The following C21orf91 variants were observed in gnomAD, a reference collection of about 807,000 sequenced individuals.
C21orf91 encodes the protein chromosome 21 open reading frame 91.
Under a neutral mutation model 32.9 loss-of-function variants are expected in C21orf91, and 26 were observed. The observed-to-expected ratio is 0.79, with a 90% CI of 0.58 to 1.10. C21orf91 has a LOEUF of 1.10. Ranked by LOEUF, C21orf91 falls within the 50% of genes least tolerant of loss-of-function variation. The pLI is 0.00. For synonymous variants in C21orf91, 126 were observed against 120.4 expected, an observed-to-expected ratio of 1.05 and a Z score of -0.31; for missense variants, 310 against 341.3, an observed-to-expected ratio of 0.91 and a Z score of 0.72.
intron 2 of C21orf91, among the ~76,000 whole-genome samples, chr21:17,803,124 A>C (rs770275109): frequency 1.8e-4 from 28 of 152,240 alleles, no homozygotes; most frequent in Non-Finnish European, 7.3e-5. Flanking sequence ...ATAAGGCAAA[A>C]AAATTAAGTG....
At chr21:17,803,873 A>G (rs1456588821) in intron 2 of C21orf91, among the ~76,000 whole-genome samples, 1 of 152,234 alleles carries the variant, frequency 6.6e-6, no homozygotes, top group African/African-American at 2.4e-5. Context: ...GATCCACACT[A>G]CAGGTAAGTT....
At chr21:17,810,345 T>C (rs1203908612) in intron 2 of C21orf91, 2 of 152,248 alleles carry the variant, frequency 1.3e-5, no homozygotes, top group Non-Finnish European at 2.9e-5. Context: ...TAAGTTTTAA[T>C]TTTGAACTGT....
intron 4 of C21orf91, among the ~76,000 whole-genome samples, chr21:17,794,124 G>C (rs1455868375): frequency 1.3e-5 from 2 of 152,186 alleles, no homozygotes; most frequent in African/African-American, 4.8e-5. Flanking sequence ...TATTTGTAAA[G>C]TACTCATAAA....
chr21:17,808,254 T>C (rs2062611112), intron 2 of C21orf91, among the ~76,000 whole-genome samples: 1 of 152,152 alleles, frequency 6.6e-6, no homozygotes, highest in South Asian at 2.1e-4. Flanking sequence ...CTCCAGAGAG[T>C]GCAAGCTGTA....
At chr21:17,809,012 C>G (rs942229438) in intron 2 of C21orf91, 4 of 152,490 alleles carry the variant, frequency 2.6e-5, no homozygotes, top group African/African-American at 9.7e-5. Context: ...TCTCTTCCTC[C>G]TTCTTTGGCC....
In C21orf91 at chr21:17,791,636, C is replaced by T. The variant is rs1355217144; in HGVS notation, c.*1779G>A. The stretch of plus-strand genomic sequence containing the variant: ...AAAGTCAAATTTGAAAATGTGGGAA[C>T]AATTAAGCACTAAGATATTAATCAG... On this transcript the variant is annotated 3_prime_UTR_variant, in exon 5 of 5. Transcript: ENST00000284881. 6.6e-6 allele frequency: 1 copy of T among 152,034 alleles called. No homozygotes were observed. The highest frequency in any genetic ancestry group is 1.5e-5 in the Non-Finnish European group (1 of 67,966). 9.4% of individuals were successfully genotyped at this position (152,034 alleles called of 1,614,324 possible).
Position 17,790,903 on chromosome 21 carries a change from A to G in C21orf91, c.*2512T>C, listed in dbSNP as rs150268877. On this transcript the variant is annotated 3_prime_UTR_variant, in exon 5 of 5. Coordinates refer to ENST00000284881, the MANE Select transcript of C21orf91 (RefSeq NM_001100420.2). ...AGATTTGTCTTATCTCACTCCCCTT[A>G]ATCATATAAGCTCTGAAAATTTAGT... 1 of 152,088 alleles carries G rather than the reference A, an allele frequency of 6.6e-6. No homozygotes were observed. The highest frequency in any genetic ancestry group is 1.5e-5 in the Non-Finnish European group (1 of 67,922). 9.4% of individuals were successfully genotyped at this position (152,088 alleles called of 1,614,324 possible). A position where few individuals can be genotyped will look rare whatever the true frequency, so the allele number is the denominator to read the frequency against.
chr21:17,813,376 C>T (rs947194483), intron 2 of C21orf91, among the ~76,000 whole-genome samples: 8 of 152,104 alleles, frequency 5.3e-5, no homozygotes, highest in African/African-American at 1.7e-4. Context: ...GGTAAAGACA[C>T]GGAGAATCAA....
At chr21:17,814,669 A>G (rs763813861) in intron 2 of C21orf91, among the ~76,000 whole-genome samples, 50 of 152,096 alleles carry the variant, frequency 3.3e-4, no homozygotes, top group Non-Finnish European at 6.3e-4. Flanking sequence ...GGTGCTACAC[A>G]CTTTTAAACA....
At chr21:17,810,939 G>A (rs2062628727) in intron 2 of C21orf91, 1 of 152,114 alleles carries the variant, frequency 6.6e-6, no homozygotes, top group South Asian at 2.1e-4. Flanking sequence ...GAGTATTTTT[G>A]GCTATTCCAC....
chr21:17,806,219 T>C (rs1216093193), intron 2 of C21orf91, among the ~76,000 whole-genome samples: 1 of 152,104 alleles, frequency 6.6e-6, no homozygotes, highest in East Asian at 1.9e-4. Context: ...ACTTTGAAAA[T>C]TACCATAACA....
At chr21:17,816,639 T>G (rs1039287787) in intron 2 of C21orf91, among the ~76,000 whole-genome samples, 7 of 152,236 alleles carry the variant, frequency 4.6e-5, no homozygotes, top group African/African-American at 1.7e-4. Context: ...AAGGTTCAGT[T>G]CTATCACATT....
intron 3 of C21orf91, among the ~76,000 whole-genome samples, chr21:17,795,914 T>C (rs2146246199): frequency 6.6e-6 from 1 of 152,350 alleles, no homozygotes; most frequent in South Asian, 2.1e-4. Context: ...CACTACCCAT[T>C]AAGCTTATTT....
At chr21:17,810,907 A>C (rs913623931) in intron 2 of C21orf91, 7 of 152,090 alleles carry the variant, frequency 4.6e-5, no homozygotes, top group South Asian at 4.1e-4. Context: ...GCATCACCCC[A>C]CTCTCTTAGG....
chr21:17,799,676 G>A (rs1432806559), intron 2 of C21orf91, among the ~76,000 whole-genome samples: 1 of 151,980 alleles, frequency 6.6e-6, no homozygotes, highest in East Asian at 1.9e-4. Flanking sequence ...CCAAATGTCT[G>A]GGTTAGTTTA....
chr21:17,805,195 A>T (rs547176435), intron 2 of C21orf91, among the ~76,000 whole-genome samples: 1 of 152,252 alleles, frequency 6.6e-6, no homozygotes, highest in African/African-American at 2.4e-5. Context: ...AATGAATTCA[A>T]TGTGGCTAGG....
intron 2 of C21orf91, among the ~76,000 whole-genome samples, chr21:17,799,889 T>G (rs1568751083): frequency 6.6e-6 from 1 of 152,112 alleles, no homozygotes; most frequent in Non-Finnish European, 1.5e-5. Context: ...AAATCAATTA[T>G]CACTCAAGGT....
At chr21:17,807,950 C>T (rs1196372637) in intron 2 of C21orf91, among the ~76,000 whole-genome samples, 1 of 152,188 alleles carries the variant, frequency 6.6e-6, no homozygotes, top group South Asian at 2.1e-4. Flanking sequence ...AGAAAATTTG[C>T]AGCCTGACCG....
At chr21:17,808,528 C>G (rs1482973122) in intron 2 of C21orf91, among the ~76,000 whole-genome samples, 1 of 152,220 alleles carries the variant, frequency 6.6e-6, no homozygotes, top group Admixed American at 6.5e-5. Context: ...GTCCTCCAGA[C>G]TCCAGAATGC....
Sources: gnomAD v4.1 joint callset for allele counts (sites outside exome capture counted in the v4.1 genomes callset) on GRCh38, gnomAD v4.1.1 for gene constraint, MANE v1.5 for transcripts, NCBI Gene and HGNC (gene_info 2026-07-23, HGNC 2026-07-21) for gene names.